SLC4A10: variants seen among roughly 807,000 people sequenced by gnomAD.
SLC4A10 encodes sodium-driven chloride bicarbonate exchanger.
A neutral mutation model predicts 137.7 loss-of-function variants in SLC4A10; 42 were observed. That is an observed-to-expected ratio of 0.30 (90% confidence interval 0.24 to 0.39). The LOEUF is 0.39. Among genes scored for constraint, SLC4A10 ranks in the 10% least tolerant of loss-of-function variants. The pLI, the probability that SLC4A10 is intolerant of heterozygous loss-of-function variation, is 1.00. For synonymous variants in SLC4A10, 474 were observed against 464.1 expected (o/e 1.02, Z -0.27); for missense variants, 925 against 1,355.0 (o/e 0.68, Z 4.98).
At chr2:161,638,986 G>C (rs895277530) in intron 1 of SLC4A10, among the ~76,000 whole-genome samples, 7 of 151,864 alleles carry the variant, frequency 4.6e-5, no homozygotes, top group African/African-American at 1.7e-4. Context: ...GAAACACAAA[G>C]GATCATTATC....
At chr2:161,793,730 G>T (rs2054460793) in intron 2 of SLC4A10, among the ~76,000 whole-genome samples, 1 of 152,036 alleles carries the variant, frequency 6.6e-6, no homozygotes, top group Non-Finnish European at 1.5e-5. Context: ...CTTTTGTCTG[G>T]TCTCTGGGGC....
chr2:161,628,749 G>C (rs1352929178), intron 1 of SLC4A10, among the ~76,000 whole-genome samples: 2 of 152,014 alleles, frequency 1.3e-5, no homozygotes, highest in African/African-American at 4.8e-5. Flanking sequence ...CTAGCATGGT[G>C]AGTGACTATG....
chr2:161,977,267 T>C (rs1421046505), intron 25 of SLC4A10: 1 of 351,862 alleles, frequency 2.8e-6, no homozygotes, highest in Admixed American at 2.9e-5. Context: ...ATTTATATTT[T>C]ATAAATATGC....
At chr2:161,673,132 T>C (rs2039916928) in intron 1 of SLC4A10, among the ~76,000 whole-genome samples, 1 of 152,186 alleles carries the variant, frequency 6.6e-6, no homozygotes, top group African/African-American at 2.4e-5. Context: ...CTTGTTGAAG[T>C]AGTGGAATAA....
At chr2:161,959,654 A>T (rs1448091701) in intron 21 of SLC4A10, among the ~76,000 whole-genome samples, 1 of 152,232 alleles carries the variant, frequency 6.6e-6, no homozygotes, top group Non-Finnish European at 1.5e-5. Context: ...AGAATGAGAA[A>T]GAGGATGAAG....
intron 1 of SLC4A10, among the ~76,000 whole-genome samples, chr2:161,740,264 A>G (rs1163037198): frequency 6.6e-6 from 1 of 152,182 alleles, no homozygotes; most frequent in African/African-American, 2.4e-5. Flanking sequence ...GCACTGTAGA[A>G]TCCATCAGCT....
intron 2 of SLC4A10, among the ~76,000 whole-genome samples, chr2:161,793,657 C>G (rs571225595): frequency 5.3e-5 from 8 of 152,004 alleles, no homozygotes; most frequent in Non-Finnish European, 1.0e-4. Context: ...ATAAAAGAAA[C>G]CAAAATGATT....
chr2:161,961,608 A>G (rs1696743324), intron 21 of SLC4A10, among the ~76,000 whole-genome samples: 2 of 151,592 alleles, frequency 1.3e-5, no homozygotes, highest in South Asian at 4.2e-4. Context: ...CTGTAAGTGA[A>G]AAGCATTTAT....
chr2:161,855,388 C>A (rs753302510), intron 5 of SLC4A10, among the ~76,000 whole-genome samples: 1 of 152,056 alleles, frequency 6.6e-6, no homozygotes, highest in African/African-American at 2.4e-5. Flanking sequence ...CATTTATTTT[C>A]ATTATCATAT....
intron 1 of SLC4A10, among the ~76,000 whole-genome samples, chr2:161,712,343 C>T (rs765556456): frequency 5.9e-5 from 9 of 151,618 alleles, no homozygotes; most frequent in African/African-American, 2.4e-5. Flanking sequence ...AATTTAACAG[C>T]AACTTAAGGT....
rs1044001006 is a variant in SLC4A10 at position 161,922,873 on chromosome 2, G to A, written c.1997+16986G>A. On this transcript the variant is annotated intron_variant, in intron 15 of 26. Coordinates refer to ENST00000446997, the MANE Select transcript of SLC4A10 (RefSeq NM_001178015.2). ...GTATTAATACCTGACTTGGTACATAGCACTCTGGGAGATAATCAAGTCAAT... is the reference window on the plus strand; with the variant it reads ...GTATTAATACCTGACTTGGTACATAACACTCTGGGAGATAATCAAGTCAAT... Among the ~76,000 whole-genome samples, 191 of 152,238 alleles carry A rather than the reference G, an allele frequency of 1.3e-3. 1 individual carries two copies. The highest frequency in any genetic ancestry group is 4.4e-3 in the African/African-American group (184 of 41,544).
chr2:161,905,598 T>C (rs567879030), intron 14 of SLC4A10, 44 bp from the exon 15 acceptor site: 1 of 1,535,996 alleles, frequency 6.5e-7, no homozygotes, highest in East Asian at 2.3e-5. Context: ...AGCAAGCTGT[T>C]AAATGACCTT....
intron 16 of SLC4A10, 58 bp from the exon 17 acceptor site, chr2:161,947,508 G>A (rs1440987888): frequency 6.4e-7 from 1 of 1,552,024 alleles, no homozygotes; most frequent in Non-Finnish European, 8.7e-7. Flanking sequence ...TTAGTTTTCT[G>A]CAAGAAATGT....
intron 2 of SLC4A10, among the ~76,000 whole-genome samples, chr2:161,790,844 A>G (rs1056604657): frequency 3.9e-5 from 6 of 152,174 alleles, no homozygotes; most frequent in Non-Finnish European, 1.5e-5. Flanking sequence ...GAAGACATAC[A>G]TGCGGCTGAC....
intron 26 of SLC4A10, among the ~76,000 whole-genome samples, chr2:161,978,177 G>A (rs958642690): frequency 2.0e-5 from 3 of 151,956 alleles, no homozygotes; most frequent in African/African-American, 2.4e-5. Flanking sequence ...TTGAGGTCAG[G>A]AGTTCGAGAC....
chr2:161,933,437 C>G (rs748959653), intron 15 of SLC4A10, among the ~76,000 whole-genome samples: 8 of 151,340 alleles, frequency 5.3e-5, no homozygotes, highest in Non-Finnish European at 1.2e-4. Context: ...ACTCTGTCAC[C>G]CAGTGAGTAC....
intron 10 of SLC4A10, among the ~76,000 whole-genome samples, chr2:161,888,291 C>T (rs748333893): frequency 4.6e-4 from 70 of 152,252 alleles, no homozygotes; most frequent in Non-Finnish European, 1.3e-4. Context: ...TTTTTGGTTC[C>T]ATATGAAATT....
At chr2:161,805,571 A>C (rs1392895039) in intron 3 of SLC4A10, among the ~76,000 whole-genome samples, 1 of 152,190 alleles carries the variant, frequency 6.6e-6, no homozygotes, top group African/African-American at 2.4e-5. Flanking sequence ...CAAATGGGAG[A>C]TATTGGCCAA....
At chr2:161,838,383 A>C (rs2058953888) in intron 3 of SLC4A10, among the ~76,000 whole-genome samples, 1 of 152,168 alleles carries the variant, frequency 6.6e-6, no homozygotes, top group African/African-American at 2.4e-5. Context: ...AAACTTTAGA[A>C]GAAAACATAA....
Sources: allele counts gnomAD v4.1 joint callset (sites outside exome capture counted in the v4.1 genomes callset), GRCh38; gene constraint gnomAD v4.1.1; transcripts MANE v1.5; gene names NCBI Gene and HGNC (gene_info 2026-07-23, HGNC 2026-07-21).